Variants in LRBA observed in about 807,000 individuals in gnomAD.
The protein encoded by LRBA is lipopolysaccharide-responsive and beige-like anchor protein.
LRBA carries 176 observed loss-of-function variants against 330.0 expected under a neutral mutation model. That is an observed-to-expected ratio of 0.53 (90% CI 0.47 to 0.60). The LOEUF (loss-of-function observed/expected upper bound fraction) is 0.60. Ranked by LOEUF, LRBA falls within the 20% of genes least tolerant of loss-of-function variation. The pLI, the probability that LRBA is intolerant of heterozygous loss-of-function variation, is 0.00. For synonymous variants in LRBA, 1,230 were observed against 1,193.0 expected (o/e 1.03, Z -0.64); for missense variants, 3,259 against 3,444.8 (o/e 0.95, Z 1.35).
At chr4:150,591,296 T>C (rs199808805) in intron 38 of LRBA, among the ~76,000 whole-genome samples, 1 of 152,288 alleles carries the variant, frequency 6.6e-6, no homozygotes, top group East Asian at 1.9e-4. Context: ...GGAGTGGCTG[T>C]GGAGAAGAAT....
chr4:150,907,806 G>A (rs1160110618), intron 11 of LRBA, among the ~76,000 whole-genome samples: 4 of 151,810 alleles, frequency 2.6e-5, no homozygotes, highest in African/African-American at 9.7e-5. Context: ...TTAGACTCAG[G>A]ACTACAACAC....
At chr4:150,912,975 T>G (rs965031205) in intron 9 of LRBA, among the ~76,000 whole-genome samples, 2 of 152,220 alleles carry the variant, frequency 1.3e-5, no homozygotes, top group Non-Finnish European at 2.9e-5. Context: ...CTGTTTTAAG[T>G]GTGTTGTTTA....
chr4:151,006,479 A>G (rs1396057830), intron 2 of LRBA, among the ~76,000 whole-genome samples: 2 of 152,150 alleles, frequency 1.3e-5, no homozygotes, highest in Admixed American at 1.3e-4. Flanking sequence ...AAAGATAAAT[A>G]AAATACCTTA....
intron 47 of LRBA, among the ~76,000 whole-genome samples, chr4:150,385,004 G>A (rs932302489): frequency 6.6e-6 from 1 of 152,088 alleles, no homozygotes; most frequent in Admixed American, 6.5e-5. Context: ...ATAAATATTA[G>A]TTAGCTAAGA....
chr4:150,690,164 T>C (rs962809401), intron 36 of LRBA, among the ~76,000 whole-genome samples: 1 of 152,144 alleles, frequency 6.6e-6, no homozygotes, highest in Non-Finnish European at 1.5e-5. Flanking sequence ...TAAAAATTTT[T>C]AGCAATTTTT....
chr4:150,379,040 C>T (rs1055437421), intron 47 of LRBA, among the ~76,000 whole-genome samples: 4 of 151,832 alleles, frequency 2.6e-5, no homozygotes, highest in African/African-American at 2.4e-5. Context: ...TGGCTCATGC[C>T]GCCTGTAATA....
intron 48 of LRBA, among the ~76,000 whole-genome samples, chr4:150,331,120 A>G (rs1390540920): frequency 6.6e-6 from 1 of 152,178 alleles, no homozygotes; most frequent in Non-Finnish European, 1.5e-5. Flanking sequence ...TTGTCTCACT[A>G]TAGTAGTAAT....
intron 47 of LRBA, among the ~76,000 whole-genome samples, chr4:150,391,782 C>G (rs561381578): frequency 6.6e-6 from 1 of 152,144 alleles, no homozygotes; most frequent in East Asian, 1.9e-4. Context: ...AAGATGGTCT[C>G]TCTTCTACCT....
chr4:150,315,306 T>C, intron 51 of LRBA: 2 of 544,564 alleles, frequency 3.7e-6, no homozygotes, highest in Non-Finnish European at 6.5e-6. Flanking sequence ...GCATTCTCAA[T>C]CACACATTAT....
chr4:150,429,848 A>C (rs1012903675), intron 46 of LRBA, among the ~76,000 whole-genome samples: 1 of 152,122 alleles, frequency 6.6e-6, no homozygotes, highest in South Asian at 2.1e-4. Context: ...TGTCTTTTTC[A>C]TCTGGAGAGA....
chr4:150,846,152 CAG>C (rs1452604840), intron 26 of LRBA, among the ~76,000 whole-genome samples: 1 of 152,118 alleles, frequency 6.6e-6, no homozygotes, highest in African/African-American at 2.4e-5. Context: ...AAGTCAGACA[CAG>C]AGAGACAAAT....
intron 2 of LRBA, among the ~76,000 whole-genome samples, chr4:151,004,175 T>C (rs146810869): frequency 1.1e-4 from 17 of 152,288 alleles, no homozygotes; most frequent in Admixed American, 2.0e-4. Flanking sequence ...TAGCTGAGAA[T>C]ACAGGTGCCT....
intron 48 of LRBA, among the ~76,000 whole-genome samples, chr4:150,347,927 A>G (rs944214701): frequency 6.8e-5 from 10 of 148,102 alleles, no homozygotes; most frequent in Non-Finnish European, 9.1e-5. Flanking sequence ...AAGTCTTCTA[A>G]CTCTCTGCTG....
chr4:150,489,465 A>ATTATATATAAGAATATAT lies in LRBA; in HGVS notation c.6448+1452_6448+1453insATATATTCTTATATATAA, dbSNP rs1561251467. Among the ~76,000 whole-genome samples, 206 of 21,948 alleles carry ATTATATATAAGAATATAT rather than the reference A, an allele frequency of 9.4e-3. 13 individuals are homozygous for ATTATATATAAGAATATAT. Among genetic ancestry groups the ATTATATATAAGAATATAT allele is most frequent in the African/African-American group, 0.021 (192 of 9,352 alleles). 14.4% of individuals were successfully genotyped at this position (21,948 alleles called of 152,430 possible). On this transcript the variant is annotated intron_variant, in intron 41 of 56. Transcript: ENST00000651943. The stretch of plus-strand genomic sequence containing the variant: ...ATAATATATTATATATAAGAATATA[A>ATTATATATAAGAATATAT]AATATATTATATATAAGAATATATA...
At chr4:150,543,284 T>C (rs964535591) in intron 40 of LRBA, among the ~76,000 whole-genome samples, 4 of 152,156 alleles carry the variant, frequency 2.6e-5, no homozygotes, top group African/African-American at 7.2e-5. Flanking sequence ...AAGAGGGAGC[T>C]TGCACTAGGG....
intron 2 of LRBA, among the ~76,000 whole-genome samples, chr4:150,934,487 A>G (rs1734859325): frequency 6.6e-6 from 1 of 152,262 alleles, no homozygotes; most frequent in African/African-American, 2.4e-5. Flanking sequence ...CTGAGGAAAT[A>G]GTGGAACAGT....
At chr4:150,406,573 A>T (rs1300136423) in intron 47 of LRBA, among the ~76,000 whole-genome samples, 5 of 152,212 alleles carry the variant, frequency 3.3e-5, no homozygotes, top group African/African-American at 1.2e-4. Flanking sequence ...GGCAAAACAG[A>T]CTCAAAAATT....
intron 42 of LRBA, among the ~76,000 whole-genome samples, chr4:150,475,282 T>A (rs1227970893): frequency 6.6e-6 from 1 of 152,200 alleles, no homozygotes; most frequent in African/African-American, 2.4e-5. Flanking sequence ...GGTATTGAGG[T>A]GACTGACCTT....
chr4:150,991,888 A>G (rs1742131053), intron 2 of LRBA, among the ~76,000 whole-genome samples: 1 of 152,230 alleles, frequency 6.6e-6, no homozygotes, highest in African/African-American at 2.4e-5. Flanking sequence ...AAATATATAT[A>G]AACACATAAT....
Sources: gnomAD v4.1 joint callset for allele counts (sites outside exome capture counted in the v4.1 genomes callset) on GRCh38, gnomAD v4.1.1 for gene constraint, MANE v1.5 for transcripts, NCBI Gene and HGNC (gene_info 2026-07-23, HGNC 2026-07-21) for gene names.